ITPRID2: variants seen among roughly 807,000 people sequenced by gnomAD.
ITPRID2 encodes ITPR interacting domain containing 2.
ITPRID2 carries 60 observed loss-of-function variants against 124.3 expected under a neutral mutation model. The observed-to-expected ratio is 0.48, with a 90% CI of 0.39 to 0.60. The LOEUF is 0.60. Ranked by LOEUF, ITPRID2 falls within the 20% of genes least tolerant of loss-of-function variation. The probability of loss-of-function intolerance (pLI) is 0.00; values close to 1 mark genes in which losing one functional copy is unlikely to be tolerated. For missense variants in ITPRID2, 1,553 were observed against 1,512.2 expected, an observed-to-expected ratio of 1.03 and a Z score of -0.45; for synonymous variants, 521 against 542.9, an observed-to-expected ratio of 0.96 and a Z score of 0.56.
Position 181,916,312 on chromosome 2 carries a change from A to G in ITPRID2, c.2672A>G (p.His891Arg), listed in dbSNP as rs751589342. The change falls in exon 11 of 18, where the codon CAT becomes CGT. Residue 891 changes from histidine to arginine, a missense_variant. By Grantham distance (29) the His-to-Arg change is conservative. Transcript: ENST00000431877. Reference protein sequence around the residue: ...FASPFGCPYSHRHATYPYRVC... With the variant: ...FASPFGCPYSRRHATYPYRVC... ...TCCCCTTTCGGGTGTCCTTACTCAC[A>G]TAGACATGCCACCTACCCTTACCGA... is the stretch of plus-strand genomic sequence containing the variant. The G allele has an allele frequency of 1.3e-5, 21 of 1,614,110 alleles. No homozygotes were observed. The highest frequency in any genetic ancestry group is 1.8e-5 in the Non-Finnish European group (21 of 1,180,046).
intron 9 of ITPRID2, among the ~76,000 whole-genome samples, chr2:181,912,645 TGGTAAA>T (rs1383833234): frequency 1.3e-5 from 2 of 152,250 alleles, no homozygotes; most frequent in Non-Finnish European, 2.9e-5. Context: ...AATATGGTTT[TGGTAAA>T]CACACTTTAT....
chr2:181,919,333 G>T lies in ITPRID2; in HGVS notation c.3031G>T (p.Val1011Phe). The change falls in exon 14 of 18, where the codon GTC (valine) becomes TTC (phenylalanine). Residue 1011 changes from valine (V) to phenylalanine (F), a missense_variant. By Grantham distance (50) the Val-to-Phe change is conservative. Transcript: ENST00000431877. This position sits in a 1 kb window ranked among gnomAD's most constrained non-coding sequence, Gnocchi z 4.2. ...VDQLQGLRNS[V>F]RMELQDLELQ... The stretch of plus-strand genomic sequence containing the variant: ...TCAGCTCCAGGGTTTGAGAAATTCA[G>T]TCCGAATGGAACTTCAGGACCTGGA... The T allele has an allele frequency of 1.9e-6, 3 of 1,614,156 alleles. No individual in the cohort carries two copies. Among genetic ancestry groups the T allele is most frequent in the Non-Finnish European group, 2.5e-6 (3 of 1,180,050 alleles).
At position 181,902,225 on chromosome 2, in the gene ITPRID2, C is replaced by A. The variant is rs1188507580; in HGVS notation, c.1172C>A (p.Thr391Asn). The change falls in exon 8 of 18, where the codon ACT (threonine) becomes AAT (asparagine). Residue 391 changes from threonine (T) to asparagine (N), a missense_variant. Coordinates refer to ENST00000431877, the MANE Select transcript of ITPRID2 (RefSeq NM_001130445.3). This position sits in a 1 kb window ranked among gnomAD's most constrained non-coding sequence, Gnocchi z 4.4. ...GCAAATAGTAATTTTAACCAAGGAA[C>A]TGAAAATGAACAAAGTAAAGAAACT... The part of the protein sequence containing the change: ...DEANSNFNQG[T>N]ENEQSKETQS... 1 of 1,613,202 alleles carries A rather than the reference C, an allele frequency of 6.2e-7. No individual in the cohort carries two copies. Among genetic ancestry groups the A allele is most frequent in the Admixed American group, 1.7e-5 (1 of 59,934 alleles).
Position 181,892,862 on chromosome 2 carries a change from A to G in ITPRID2, c.257+202A>G, listed in dbSNP as rs144901022. ...CGCTGATTATTTGGTGACCGTGTTG[A>G]CTTTACAGTTAGGACTTGAGCTACT... On this transcript the variant is annotated intron_variant, in intron 2 of 17. Transcript: ENST00000431877. The surrounding 1 kb of genome is among the most constrained non-coding windows in gnomAD (Gnocchi z 5.2). 2 of 627,076 alleles carry G rather than the reference A, an allele frequency of 3.2e-6. No individual in the cohort carries two copies. Among genetic ancestry groups the G allele is most frequent in the Non-Finnish European group, 5.6e-6 (2 of 355,498 alleles). 38.8% of individuals were successfully genotyped at this position (627,076 alleles called of 1,614,324 possible). A position where few individuals can be genotyped will look rare whatever the true frequency, so the allele number is the denominator to read the frequency against.
chr2:181,923,076 A>G (rs150454972), intron 16 of ITPRID2, among the ~76,000 whole-genome samples: 1 of 152,354 alleles, frequency 6.6e-6, no homozygotes, highest in Non-Finnish European at 1.5e-5. Flanking sequence ...TGATAGCAGC[A>G]TAAGAACTTG....
Position 181,915,267 on chromosome 2 carries a change from G to A in ITPRID2, c.1627G>A (p.Glu543Lys), listed in dbSNP as rs374296296. Residue 543 changes from glutamate (E) to lysine (K), a missense_variant, in exon 11 of 18, where the codon GAG becomes AAG. Transcript: ENST00000431877. Reference sequence around the variant, plus strand: ...GAGTAGTGCTGATAGTTGTGACAGTGAGACAACAGTTACGTCACTTGGTGA... The same window carrying A: ...GAGTAGTGCTGATAGTTGTGACAGTAAGACAACAGTTACGTCACTTGGTGA... ...MGSSADSCDS[E>K]TTVTSLGEDL... The A allele has an allele frequency of 1.8e-5, 29 of 1,614,044 alleles. No homozygotes were observed. The highest frequency in any genetic ancestry group is 1.5e-4 in the Admixed American group (9 of 60,006).
At position 181,921,993 on chromosome 2, in the gene ITPRID2, G is replaced by A. The variant is rs763105600; in HGVS notation, c.3256G>A (p.Gly1086Ser). Residue 1086 changes from glycine (G) to serine (S), a missense_variant, in exon 16 of 18, where the codon GGC becomes AGC. By Grantham distance (56) the Gly-to-Ser change is moderately conservative (BLOSUM62 0). Coordinates refer to ENST00000431877, the MANE Select transcript of ITPRID2 (RefSeq NM_001130445.3). ...QEQSYLKSEL[G>S]LGLGEMGFEI... is the part of the protein sequence containing the mutation. ...GCAGTCATACCTGAAGTCTGAATTGGGCCTGGGACTTGGAGAAATGGGATT... is the reference window on the plus strand; with the variant it reads ...GCAGTCATACCTGAAGTCTGAATTGAGCCTGGGACTTGGAGAAATGGGATT... The A allele has an allele frequency of 6.2e-7, 1 of 1,614,150 alleles. No individual in the cohort carries two copies. Among genetic ancestry groups the A allele is most frequent in the East Asian group, 2.2e-5 (1 of 44,876 alleles).
chr2:181,904,599 A>G (rs1692949760), intron 8 of ITPRID2, among the ~76,000 whole-genome samples: 1 of 152,190 alleles, frequency 6.6e-6, no homozygotes, highest in African/African-American at 2.4e-5. Flanking sequence ...TTTAGATCCT[A>G]TTCAGTGTAG....
rs1692767881 is a variant in ITPRID2 at position 181,902,645 on chromosome 2, G to C, written c.1413+179G>C. On this transcript the variant is annotated intron_variant, in intron 8 of 17. Transcript: ENST00000431877. This position sits in a 1 kb window ranked among gnomAD's most constrained non-coding sequence, Gnocchi z 4.4. Reference sequence around the variant, plus strand: ...TGGTCTCAGGATAATGTGATGTCGAGGTAATGGGACAGTTCAGTAACTCCT... The same window carrying C: ...TGGTCTCAGGATAATGTGATGTCGACGTAATGGGACAGTTCAGTAACTCCT... Among the ~76,000 whole-genome samples, 1 of 152,154 alleles carries C rather than the reference G, an allele frequency of 6.6e-6. No individual in the cohort carries two copies. The highest frequency in any genetic ancestry group is 2.4e-5 in the African/African-American group (1 of 41,432).
chr2:181,919,174 C>A lies in ITPRID2; in HGVS notation c.2994-122C>A. On this transcript the variant is annotated intron_variant, in intron 13 of 17. Coordinates refer to ENST00000431877, the MANE Select transcript of ITPRID2 (RefSeq NM_001130445.3). The surrounding 1 kb of genome is among the most constrained non-coding windows in gnomAD (Gnocchi z 4.2). Reference sequence around the variant, plus strand: ...TACACCTATTGTAGTTGATATTGTACTAATTTCTAGAACCTGAGATTTCCA... The same window carrying A: ...TACACCTATTGTAGTTGATATTGTAATAATTTCTAGAACCTGAGATTTCCA... 1.7e-6 allele frequency: 2 copies of A among 1,144,914 alleles called. No homozygotes were observed. Among genetic ancestry groups the A allele is most frequent in the Non-Finnish European group, 2.5e-6 (2 of 801,212 alleles). 70.9% of individuals were successfully genotyped at this position (1,144,914 alleles called of 1,614,324 possible). A position where few individuals can be genotyped will look rare whatever the true frequency, so the allele number is the denominator to read the frequency against.
At position 181,905,467 on chromosome 2, in the gene ITPRID2, ACT is replaced by A. The variant is rs997255071; in HGVS notation, c.1413+3006_1413+3007del. Among the ~76,000 whole-genome samples the A allele has an allele frequency of 1.2e-4, 18 of 152,112 alleles. No homozygotes were observed. Among genetic ancestry groups the A allele is most frequent in the Non-Finnish European group, 2.4e-4 (16 of 68,020 alleles). ...GGCTTATTTTGAATACGTCATGGTA[ACT>A]CTCTGAAGCCATAGATTAGTAGTGT... On this transcript the variant is annotated intron_variant, in intron 8 of 17. Transcript: ENST00000431877. This position sits in a 1 kb window ranked among gnomAD's most constrained non-coding sequence, Gnocchi z 4.1.
In ITPRID2 at chr2:181,909,775, AAT is replaced by A. The variant is rs558533725; in HGVS notation, c.1414-114_1414-113del. The A allele has an allele frequency of 1.7e-4, 97 of 565,854 alleles. 2 individuals carry two copies. In the South Asian group the frequency reaches 2.3e-3, roughly 13 times the overall value. The allele number at this position is 565,854 out of a possible 1,614,324, so 35.1% of individuals were successfully genotyped here. A position where few individuals can be genotyped will look rare whatever the true frequency, so the allele number is the denominator to read the frequency against. On this transcript the variant is annotated intron_variant, in intron 8 of 17. Transcript: ENST00000431877. ...TTGAGGTCAGATTTCTTAAAGTTTGAATATATATATAATGTTTTGGTGCACTT... is the reference window on the plus strand; with the variant it reads ...TTGAGGTCAGATTTCTTAAAGTTTGAATATATATAATGTTTTGGTGCACTT...
At chr2:181,897,845 T>C (rs573042313) in intron 4 of ITPRID2, among the ~76,000 whole-genome samples, 107 of 152,156 alleles carry the variant, frequency 7.0e-4, no homozygotes, top group African/African-American at 2.5e-3. Context: ...CTTCTAACAT[T>C]TAAAACTCTG....
rs1383910901 is a variant in ITPRID2, at chr2:181,892,012, C to T, written c.-55C>T. ...TGACAGCAAGGGCGGGGGTCCCTGC[C>T]GCCGCCTTGTCTCGCGCAGGGTCCG... On this transcript the variant is annotated 5_prime_UTR_variant, in exon 1 of 18. Transcript: ENST00000431877. This position sits in a 1 kb window ranked among gnomAD's most constrained non-coding sequence, Gnocchi z 5.2. The T allele has an allele frequency of 2.0e-6, 3 of 1,519,860 alleles. No individual in the cohort carries two copies. Among genetic ancestry groups the T allele is most frequent in the African/African-American group, 1.4e-5 (1 of 71,174 alleles). The allele number at this position is 1,519,860 out of a possible 1,614,324, so 94.1% of individuals were successfully genotyped here.
rs1465848912 is a variant in ITPRID2 at position 181,929,743 on chromosome 2, A to G, written c.*196A>G. ...TACATAGAAACTTAGGCACTTTGCTATTTCTTTTCTAAACTATCAAAAACT... is the reference window on the plus strand; with the variant it reads ...TACATAGAAACTTAGGCACTTTGCTGTTTCTTTTCTAAACTATCAAAAACT... On this transcript the variant is annotated 3_prime_UTR_variant, in exon 18 of 18. Coordinates refer to ENST00000431877, the MANE Select transcript of ITPRID2 (RefSeq NM_001130445.3). The G allele has an allele frequency of 5.9e-6, 5 of 841,970 alleles. No homozygotes were observed. The highest frequency in any genetic ancestry group is 5.7e-5 in the East Asian group (2 of 35,078). 52.2% of individuals were successfully genotyped at this position (841,970 alleles called of 1,614,324 possible). A position where few individuals can be genotyped will look rare whatever the true frequency, so the allele number is the denominator to read the frequency against.
At position 181,892,741 on chromosome 2, in the gene ITPRID2, C is replaced by G. The variant is rs1691854664; in HGVS notation, c.257+81C>G. On this transcript the variant is annotated intron_variant, in intron 2 of 17. Coordinates refer to ENST00000431877, the MANE Select transcript of ITPRID2 (RefSeq NM_001130445.3). The surrounding 1 kb of genome is among the most constrained non-coding windows in gnomAD (Gnocchi z 5.2). Reference sequence around the variant, plus strand: ...CGGAGCAGAGCCACTCGGGCCGCGTCCCTGTGGGTCCCGCGACCGTTGTAA... The same window carrying G: ...CGGAGCAGAGCCACTCGGGCCGCGTGCCTGTGGGTCCCGCGACCGTTGTAA... The G allele has an allele frequency of 7.9e-6, 12 of 1,528,648 alleles. No homozygotes were observed. Among genetic ancestry groups the G allele is most frequent in the Non-Finnish European group, 1.1e-5 (12 of 1,105,830 alleles). 94.7% of individuals were successfully genotyped at this position (1,528,648 alleles called of 1,614,324 possible). A position where few individuals can be genotyped will look rare whatever the true frequency, so the allele number is the denominator to read the frequency against.
intron 9 of ITPRID2, among the ~76,000 whole-genome samples, chr2:181,912,919 C>T (rs1213425836): frequency 6.6e-6 from 1 of 152,084 alleles, no homozygotes; most frequent in East Asian, 1.9e-4. Flanking sequence ...GTAGTTGAAC[C>T]TATTTGGTTG....
chr2:181,912,737 TAC>T (rs1328924746), intron 9 of ITPRID2, among the ~76,000 whole-genome samples: 1 of 152,220 alleles, frequency 6.6e-6, no homozygotes, highest in Non-Finnish European at 1.5e-5. Flanking sequence ...GTAAGAACTG[TAC>T]AGTCTCTCCC....
rs1692784601 is a variant in ITPRID2 at position 181,902,827 on chromosome 2, C to CT, written c.1413+364dup. ...ACACAGGCTTTGAAATCAAACAGGGCTTTGAGTTTTGTCTGCCACTGAATG... is the reference window on the plus strand; with the variant it reads ...ACACAGGCTTTGAAATCAAACAGGGCTTTTGAGTTTTGTCTGCCACTGAATG... On this transcript the variant is annotated intron_variant, in intron 8 of 17. Transcript: ENST00000431877. This position sits in a 1 kb window ranked among gnomAD's most constrained non-coding sequence, Gnocchi z 4.4. 6.6e-6 allele frequency among the ~76,000 whole-genome samples: 1 copy of CT among 152,150 alleles called. No individual in the cohort carries two copies. The highest frequency in any genetic ancestry group is 2.4e-5 in the African/African-American group (1 of 41,438).
Sources: gnomAD v4.1 joint callset for allele counts (sites outside exome capture counted in the v4.1 genomes callset) on GRCh38, gnomAD v4.1.1 for gene constraint, Gnocchi (gnomAD v3.1) non-coding constraint, MANE v1.5 for transcripts, NCBI Gene and HGNC (gene_info 2026-07-23, HGNC 2026-07-21) for gene names.